ERCC6: variants seen among roughly 807,000 people sequenced by gnomAD.
The protein encoded by ERCC6 is ERCC excision repair 6, chromatin remodeling factor.
Under a neutral mutation model 158.7 loss-of-function variants are expected in ERCC6, and 116 were observed. The observed-to-expected ratio is 0.73, with a 90% CI of 0.63 to 0.85. The LOEUF (loss-of-function observed/expected upper bound fraction) is 0.85. ERCC6 is among the 40% of genes least tolerant of loss of function. ERCC6 has a pLI of 0.00. For synonymous variants in ERCC6, 678 were observed against 659.3 expected, an observed-to-expected ratio of 1.03 and a Z score of -0.43; for missense variants, 1,698 against 1,799.4, an observed-to-expected ratio of 0.94 and a Z score of 1.02.
intron 7 of ERCC6, among the ~76,000 whole-genome samples, chr10:49,499,978 T>C (rs984454986): frequency 6.6e-6 from 1 of 151,660 alleles, no homozygotes; most frequent in African/African-American, 2.4e-5. Context: ...AGTAACTTCA[T>C]TCAAAAACAA....
chr10:49,450,868 G>A (rs969810475), downstream of ERCC6, among the ~76,000 whole-genome samples: 5 of 151,612 alleles, frequency 3.3e-5, no homozygotes, highest in Non-Finnish European at 7.4e-5. Flanking sequence ...CTGGAGTGCG[G>A]TGGCACAATC....
In ERCC6 at chr10:49,500,699, A is replaced by T; in HGVS notation, c.1527-3T>A. On this transcript the variant is annotated splice_region_variant and splice_polypyrimidine_tract_variant and intron_variant, in intron 6 of 20. Transcript: ENST00000355832. ...ACCTAACACCTGTCTGCTGGTACCT[A>T]TGACAACAAACACCAACAAGAAAAG... 6.2e-7 allele frequency: 1 copy of T among 1,613,528 alleles called. No individual in the cohort carries two copies. Among genetic ancestry groups the T allele is most frequent in the East Asian group, 2.2e-5 (1 of 44,880 alleles).
At chr10:49,490,720 C>T (rs975807325) in intron 8 of ERCC6, among the ~76,000 whole-genome samples, 3 of 152,128 alleles carry the variant, frequency 2.0e-5, no homozygotes, top group Admixed American at 2.0e-4. Flanking sequence ...TCTACTTGAA[C>T]GATAAACAAA....
chr10:49,517,422 G>A (rs1292893585), intron 5 of ERCC6, among the ~76,000 whole-genome samples: 1 of 152,134 alleles, frequency 6.6e-6, no homozygotes, highest in East Asian at 1.9e-4. Flanking sequence ...AACTAACTCT[G>A]TGCACCAAGT....
At chr10:49,523,049 A>G (rs1378066591) in intron 5 of ERCC6, among the ~76,000 whole-genome samples, 1 of 152,238 alleles carries the variant, frequency 6.6e-6, no homozygotes, top group African/African-American at 2.4e-5. Context: ...GTAACAAGAA[A>G]AAACACCAGG....
In ERCC6 at chr10:49,474,175, T is replaced by C. The variant is rs775122052; in HGVS notation, c.2450A>G (p.Lys817Arg). 4 of 1,614,190 alleles carry C rather than the reference T, an allele frequency of 2.5e-6. No homozygotes were observed. In the Admixed American group the frequency reaches 6.7e-5, roughly 27 times the overall value. The change falls in exon 13 of 21, where the codon AAG (lysine) becomes AGG (arginine). Residue 817 changes from lysine (K) to arginine (R), a missense_variant. Coordinates refer to ENST00000355832, the MANE Select transcript of ERCC6 (RefSeq NM_000124.4). Reference protein sequence around the residue: ...NHPDLFSGGPKNLKGLPDDEL... With the variant: ...NHPDLFSGGPRNLKGLPDDEL... ...ATCATCAGGAAGACCTTTGAGATTC[T>C]TGGGACCTCCAGAAAAGAGATCAGG...
At chr10:49,483,232 T>C (rs1851010994) in intron 9 of ERCC6, 114 bp downstream of exon 9, 2 of 1,123,528 alleles carry the variant, frequency 1.8e-6, no homozygotes, top group South Asian at 2.6e-5. Flanking sequence ...TTAAATTTCT[T>C]GTGCAGTTGG....
intron 5 of ERCC6, among the ~76,000 whole-genome samples, chr10:49,512,805 A>G (rs181711005): frequency 6.6e-6 from 1 of 152,360 alleles, no homozygotes; most frequent in Admixed American, 6.5e-5. Flanking sequence ...CGAAGTTTTG[A>G]CTGTGTCTTG....
chr10:49,502,109 T>A (rs1365577403), intron 6 of ERCC6: 2 of 152,200 alleles, frequency 1.3e-5, no homozygotes, highest in Non-Finnish European at 2.9e-5. Flanking sequence ...TATGTCTACC[T>A]AAAATCTCAT....
At chr10:49,513,245 G>A (rs571736006) in intron 5 of ERCC6, among the ~76,000 whole-genome samples, 101 of 152,264 alleles carry the variant, frequency 6.6e-4, no homozygotes, top group Non-Finnish European at 1.2e-3. Flanking sequence ...TCCATGGCCC[G>A]TGGTGTCTAA....
At position 49,476,262 on chromosome 10, in the gene ERCC6, A is replaced by C. The variant is rs764456630; in HGVS notation, c.2335T>G (p.Phe779Val). 4.3e-5 allele frequency: 70 copies of C among 1,613,956 alleles called. No individual in the cohort carries two copies. The highest frequency in any genetic ancestry group is 5.5e-5 in the Non-Finnish European group (65 of 1,179,980). The change falls in exon 12 of 21, where the codon TTC becomes GTC. Residue 779 changes from phenylalanine to valine, a missense_variant. Transcript: ENST00000355832. The part of the protein sequence containing the change: ...TDEQHKVYQN[F>V]VDSKEVYRIL... The stretch of plus-strand genomic sequence containing the variant: ...CTGTAAACTTCTTTGGAATCAACGA[A>C]ATTTTGGTAGACTTTATGCTGCTCA...
the ERCC6 span, among the ~76,000 whole-genome samples, chr10:49,440,552 C>A: frequency 6.6e-6 from 1 of 152,148 alleles, no homozygotes; most frequent in East Asian, 1.9e-4. Context: ...GTGGCTAATT[C>A]TTTTTGTCAC....
chr10:49,526,117 TTATATATATATATA>T lies in ERCC6; in HGVS notation c.653-1354_653-1341del, dbSNP rs55801003. ...TATATATTTATATATTTATATATTT[TTATATATATATATA>T]TATATATATATATATATATATATAT... On this transcript the variant is annotated intron_variant, in intron 4 of 20. Coordinates refer to ENST00000355832, the MANE Select transcript of ERCC6 (RefSeq NM_000124.4). 4.4e-3 allele frequency among the ~76,000 whole-genome samples: 190 copies of T among 43,604 alleles called. 4 individuals are homozygous for T. Among genetic ancestry groups the T allele is most frequent in the African/African-American group, 0.014 (164 of 11,594 alleles). 28.6% of individuals were successfully genotyped at this position (43,604 alleles called of 152,430 possible).
chr10:49,516,414 T>A, intron 5 of ERCC6: 1 of 1,614,192 alleles, frequency 6.2e-7, no homozygotes. Flanking sequence ...CAAATTTGCA[T>A]TGTCAGCAAC....
intron 5 of ERCC6, among the ~76,000 whole-genome samples, chr10:49,513,339 A>G (rs1836856960): frequency 6.6e-6 from 1 of 152,206 alleles, no homozygotes; most frequent in Non-Finnish European, 1.5e-5. Context: ...ACACACATAC[A>G]TACATATTTC....
At chr10:49,515,354 G>A (rs1462122555) in intron 5 of ERCC6, 13 of 1,611,516 alleles carry the variant, frequency 8.1e-6, no homozygotes, top group South Asian at 2.2e-5. Context: ...GATATTCAAC[G>A]GAACACTTCA....
Position 49,500,555 on chromosome 10 carries a change from A to G in ERCC6, c.1668T>C (p.Thr556=), listed in dbSNP as rs2132575020. Residue 556 remains threonine (T), a synonymous_variant, in exon 7 of 21, where the codon ACT becomes ACC. Transcript: ENST00000355832. ...GCACTTGCCTGTAATTTGAACCACG[A>G]GTCCTGATCTTGCTGTAGCTCAGAC... ...LAGLSYSKIR[T]RGSNYRFEGL... is the part of the protein sequence containing the mutation. 1 of 1,613,924 alleles carries G rather than the reference A, an allele frequency of 6.2e-7. No homozygotes were observed. Among genetic ancestry groups the G allele is most frequent in the Non-Finnish European group, 8.5e-7 (1 of 1,179,864 alleles).
At chr10:49,499,344 C>T (rs376767068) in intron 7 of ERCC6, among the ~76,000 whole-genome samples, 9 of 152,270 alleles carry the variant, frequency 5.9e-5, no homozygotes, top group South Asian at 2.1e-4. Flanking sequence ...GCTAACTTAA[C>T]GAAAGAGTAA....
chr10:49,515,491 G>A lies in ERCC6; in HGVS notation c.1397+8542C>T, dbSNP rs139989727. The A allele has an allele frequency of 2.1e-4, 332 of 1,614,080 alleles. 1 individual carries two copies. Among genetic ancestry groups the A allele is most frequent in the Non-Finnish European group, 2.4e-4 (288 of 1,179,994 alleles). The stretch of plus-strand genomic sequence containing the variant: ...CCATCATAACGTGAGTCAATGTTAC[G>A]CTTCTGAGGTCTTCCTTTTTGGCCA... On this transcript the variant is annotated intron_variant, in intron 5 of 20. Coordinates refer to ENST00000355832, the MANE Select transcript of ERCC6 (RefSeq NM_000124.4).
Sources: allele counts gnomAD v4.1 joint callset (sites outside exome capture counted in the v4.1 genomes callset), GRCh38; gene constraint gnomAD v4.1.1; transcripts MANE v1.5; gene names NCBI Gene and HGNC (gene_info 2026-07-23, HGNC 2026-07-21).